Variants in PDE4D observed in about 807,000 individuals in gnomAD.
PDE4D encodes phosphodiesterase 4D, also known as 3',5'-cyclic-AMP phosphodiesterase 4D.
Under a neutral mutation model 87.4 loss-of-function variants are expected in PDE4D, and 24 were observed. The ratio of observed to expected loss-of-function variants is 0.27; its 90% confidence interval spans 0.20 to 0.39. The LOEUF is 0.39. Ranked by LOEUF, PDE4D falls within the 10% of genes least tolerant of loss-of-function variation. The pLI, the probability that PDE4D is intolerant of heterozygous loss-of-function variation, is 1.00. For synonymous variants in PDE4D, 384 were observed against 383.2 expected, an observed-to-expected ratio of 1.00 and a Z score of -0.02; for missense variants, 714 against 1,041.0, an observed-to-expected ratio of 0.69 and a Z score of 4.32.
At chr5:59,917,666 G>T (rs1754212788) in intron 3 of PDE4D, among the ~76,000 whole-genome samples, 1 of 152,110 alleles carries the variant, frequency 6.6e-6, no homozygotes, top group South Asian at 2.1e-4. Flanking sequence ...TGACTTGGTT[G>T]CTCTTGTGTT....
At chr5:59,834,067 G>T (rs1372931190) in intron 1 of PDE4D, among the ~76,000 whole-genome samples, 1 of 151,962 alleles carries the variant, frequency 6.6e-6, no homozygotes, top group Admixed American at 6.6e-5. Flanking sequence ...AGAATTAAAG[G>T]CTCATAATAC....
In PDE4D at chr5:59,893,226, G is replaced by C. The variant is rs866796539; in HGVS notation, c.397C>G (p.Arg133Gly). 1.3e-6 allele frequency: 2 copies of C among 1,560,584 alleles called. No homozygotes were observed. Among genetic ancestry groups the C allele is most frequent in the Non-Finnish European group, 1.7e-6 (2 of 1,151,988 alleles). ...RTSYAVETGH[R>G]PGLKKSRMSW... The stretch of plus-strand genomic sequence containing the variant: ...ATCCTGGATTTCTTCAGGCCGGGCC[G>C]GTGGCCGGTCTCCACCGCGTAGGAG... Residue 133 changes from arginine to glycine, a missense_variant, in exon 1 of 15, where the codon CGG becomes GGG. Physicochemically the swap from Arg to Gly is moderately radical, Grantham distance 125. Coordinates refer to ENST00000340635, the MANE Select transcript of PDE4D (RefSeq NM_001104631.2).
intron 1 of PDE4D, among the ~76,000 whole-genome samples, chr5:59,233,529 G>C (rs1755695771): frequency 6.6e-6 from 1 of 152,076 alleles, no homozygotes; most frequent in African/African-American, 2.4e-5. Flanking sequence ...GGTTCAGACT[G>C]GCAATGTCGT....
At chr5:59,622,995 T>C (rs890276876) in intron 1 of PDE4D, among the ~76,000 whole-genome samples, 1 of 152,212 alleles carries the variant, frequency 6.6e-6, no homozygotes, top group Non-Finnish European at 1.5e-5. Flanking sequence ...ATTTCATTGA[T>C]ATTATGATGA....
At chr5:59,789,415 G>T (rs1765533666) in intron 1 of PDE4D, among the ~76,000 whole-genome samples, 2 of 152,154 alleles carry the variant, frequency 1.3e-5, no homozygotes, top group African/African-American at 4.8e-5. Context: ...TGTGCTCAAG[G>T]CAAGTCAAGT....
At chr5:60,213,495 T>C (rs887830377) in intron 1 of PDE4D, among the ~76,000 whole-genome samples, 3 of 152,204 alleles carry the variant, frequency 2.0e-5, no homozygotes, top group African/African-American at 4.8e-5. Flanking sequence ...CGGATGGTCT[T>C]GTTCTGGGAG....
chr5:60,304,674 A>AT (rs1754308782), intron 1 of PDE4D, among the ~76,000 whole-genome samples: 1 of 147,326 alleles, frequency 6.8e-6, no homozygotes, highest in Admixed American at 6.7e-5. Context: ...AAAAAAAAAA[A>AT]GAAATGGAGA....
intron 1 of PDE4D, among the ~76,000 whole-genome samples, chr5:59,801,539 T>C (rs1198018377): frequency 6.6e-6 from 1 of 152,168 alleles, no homozygotes; most frequent in East Asian, 1.9e-4. Context: ...TTCTAATTGA[T>C]TAAATGTAAC....
At chr5:59,759,102 C>T (rs1761651893) in intron 1 of PDE4D, among the ~76,000 whole-genome samples, 3 of 151,740 alleles carry the variant, frequency 2.0e-5, no homozygotes, top group Admixed American at 1.3e-4. Context: ...GATAGTAAAG[C>T]TTCTTCCTGA....
intron 1 of PDE4D, among the ~76,000 whole-genome samples, chr5:59,861,298 T>TTAAC (rs1190726356): frequency 1.3e-5 from 2 of 152,220 alleles, no homozygotes; most frequent in Non-Finnish European, 1.5e-5. Flanking sequence ...CTAATTTTTT[T>TTAAC]TAACTCCAGC....
chr5:60,492,147 T>C (rs950775127), upstream of PDE4D, among the ~76,000 whole-genome samples: 8 of 149,014 alleles, frequency 5.4e-5, no homozygotes, highest in African/African-American at 2.0e-4. Flanking sequence ...AAAAGAAAAT[T>C]GTCAGCTAGA....
chr5:60,303,683 T>C (rs1754152624), intron 1 of PDE4D, among the ~76,000 whole-genome samples: 2 of 152,210 alleles, frequency 1.3e-5, no homozygotes, highest in African/African-American at 4.8e-5. Context: ...ATTTCAGTTG[T>C]TTTGCATTTG....
chr5:60,136,548 C>G lies in PDE4D; in HGVS notation c.42+49009G>C, dbSNP rs1780065673. Among the ~76,000 whole-genome samples the G allele has an allele frequency of 2.6e-5, 4 of 152,124 alleles. No homozygotes were observed. The South Asian group carries it at 8.3e-4, about 32-fold the overall frequency. Reference sequence around the variant, plus strand: ...CAGGCTAGTCTCGAACTCCTGACCTCAAGTGATCCACCCTCCTTGGCCTAC... The same window carrying G: ...CAGGCTAGTCTCGAACTCCTGACCTGAAGTGATCCACCCTCCTTGGCCTAC... On this transcript the variant is annotated intron_variant, in intron 2 of 16. Transcript: ENST00000502484.
At chr5:59,526,019 G>A (rs1340264974) in intron 1 of PDE4D, among the ~76,000 whole-genome samples, 1 of 152,108 alleles carries the variant, frequency 6.6e-6, no homozygotes, top group African/African-American at 2.4e-5. Context: ...CCCCTGCAGT[G>A]ATAAACATTT....
At chr5:60,157,658 T>A (rs921167129) in intron 2 of PDE4D, among the ~76,000 whole-genome samples, 1 of 152,150 alleles carries the variant, frequency 6.6e-6, no homozygotes, top group Admixed American at 6.5e-5. Context: ...ATAGCCAACA[T>A]TAACAGTATT....
chr5:59,361,074 TA>T (rs1459437467), intron 1 of PDE4D, among the ~76,000 whole-genome samples: 1 of 152,164 alleles, frequency 6.6e-6, no homozygotes, highest in East Asian at 1.9e-4. Flanking sequence ...GGATTTTTTT[TA>T]GCAATTTGGA....
At chr5:59,253,387 T>C (rs568006788) in intron 1 of PDE4D, among the ~76,000 whole-genome samples, 15 of 152,128 alleles carry the variant, frequency 9.9e-5, no homozygotes, top group Admixed American at 4.6e-4. Context: ...AAACAAATAC[T>C]TCAGGAATAG....
chr5:59,837,708 G>A (rs777631832), intron 1 of PDE4D, among the ~76,000 whole-genome samples: 30 of 152,094 alleles, frequency 2.0e-4, no homozygotes, highest in Non-Finnish European at 3.1e-4. Context: ...CATAATTTTT[G>A]AGCAGTTCCA....
chr5:60,230,151 C>A (rs1745627979), intron 1 of PDE4D, among the ~76,000 whole-genome samples: 1 of 151,892 alleles, frequency 6.6e-6, no homozygotes, highest in Non-Finnish European at 1.5e-5. Context: ...TTTCAATTAG[C>A]AATAAATTAT....
Sources: gnomAD v4.1 joint callset for allele counts (sites outside exome capture counted in the v4.1 genomes callset) on GRCh38, gnomAD v4.1.1 for gene constraint, MANE v1.5 for transcripts, NCBI Gene and HGNC (gene_info 2026-07-23, HGNC 2026-07-21) for gene names.